Variants in TAF4 observed in about 807,000 individuals in gnomAD.
TAF4 encodes transcription initiation factor TFIID subunit 4.
TAF4 carries 9 observed loss-of-function variants against 90.3 expected under a neutral mutation model. The observed-to-expected ratio is 0.10, with a 90% CI of 0.06 to 0.17. The LOEUF is 0.17. TAF4 is among the 10% of genes least tolerant of loss of function. TAF4 has a pLI of 1.00. For synonymous variants in TAF4, 818 were observed against 638.9 expected, an observed-to-expected ratio of 1.28 and a Z score of -4.23; for missense variants, 1,351 against 1,370.7, an observed-to-expected ratio of 0.99 and a Z score of 0.23.
intron 14 of TAF4, among the ~76,000 whole-genome samples, chr20:61,989,823 G>C (rs891562146): frequency 6.6e-6 from 1 of 152,234 alleles, no homozygotes; most frequent in Non-Finnish European, 1.5e-5. Flanking sequence ...AAACCAACGA[G>C]GAGGGGCGAA....
intron 14 of TAF4, among the ~76,000 whole-genome samples, chr20:61,986,605 G>C (rs2055593999): frequency 2.0e-5 from 3 of 152,386 alleles, no homozygotes; most frequent in Middle Eastern, 6.8e-3. Context: ...AGATGTGCTG[G>C]AACATTCTGT....
chr20:62,061,376 C>A (rs1192871138), intron 1 of TAF4, among the ~76,000 whole-genome samples: 1 of 152,238 alleles, frequency 6.6e-6, no homozygotes, highest in Admixed American at 6.5e-5. Flanking sequence ...CAAGCACACG[C>A]CCCCTAGGCC....
chr20:61,978,991 A>G (rs1199416578), intron 14 of TAF4: 3 of 153,198 alleles, frequency 2.0e-5, no homozygotes, highest in Non-Finnish European at 2.9e-5. Flanking sequence ...TCCCCAGCCC[A>G]CTTCGCCCCA....
At position 62,065,545 on chromosome 20, in the gene TAF4, G is replaced by C. The variant is rs1316649351; in HGVS notation, c.266C>G (p.Pro89Arg). The C allele has an allele frequency of 1.0e-6, 1 of 978,368 alleles. No homozygotes were observed. The highest frequency in any genetic ancestry group is 1.2e-6 in the Non-Finnish European group (1 of 827,076). 60.6% of individuals were successfully genotyped at this position (978,368 alleles called of 1,614,324 possible). A position where few individuals can be genotyped will look rare whatever the true frequency, so the allele number is the denominator to read the frequency against. The part of the protein sequence containing the change: ...AEGAPGAAPE[P>R]PPAGRARPGG... The stretch of plus-strand genomic sequence containing the variant: ...CGGCCGCGCTCTACCTGCGGGGGGC[G>C]GCTCCGGCGCCGCTCCGGGCGCGCC... Residue 89 changes from proline (P) to arginine (R), a missense_variant, in exon 1 of 15, where the codon CCG (proline) becomes CGG (arginine). This residue lies in a region of TAF4 where 782 missense variants were observed against 536.6 expected (regional missense o/e 1.46). Transcript: ENST00000252996.
chr20:61,994,313 G>A (rs2055650306), intron 14 of TAF4, among the ~76,000 whole-genome samples: 1 of 152,192 alleles, frequency 6.6e-6, no homozygotes, highest in African/African-American at 2.4e-5. Context: ...TCCTGCTGGG[G>A]CCCATCCCGG....
intron 13 of TAF4, among the ~76,000 whole-genome samples, 160 bp downstream of exon 13, chr20:61,997,976 A>AT (rs1295028038): frequency 6.6e-6 from 1 of 152,242 alleles, no homozygotes; most frequent in African/African-American, 2.4e-5. Context: ...GCACAGGAAA[A>AT]TACCTCTGAT....
chr20:61,977,488 C>T (rs987496740), intron 14 of TAF4, among the ~76,000 whole-genome samples: 2 of 152,222 alleles, frequency 1.3e-5, no homozygotes, highest in Non-Finnish European at 2.9e-5. Flanking sequence ...GACATGGCCC[C>T]GCCCCTCATG....
intron 1 of TAF4, among the ~76,000 whole-genome samples, chr20:62,047,905 C>T (rs1600860506): frequency 6.6e-6 from 1 of 152,214 alleles, no homozygotes. Flanking sequence ...GATTCCTCGC[C>T]GAGATGTTCA....
chr20:62,014,048 G>A (rs1023091666), intron 2 of TAF4, among the ~76,000 whole-genome samples: 6 of 148,034 alleles, frequency 4.1e-5, no homozygotes, highest in South Asian at 2.1e-4. Context: ...GTGTGTGTAT[G>A]TGTGTGTGTG....
At chr20:61,995,069 CCA>C (rs1568925422) in intron 14 of TAF4, among the ~76,000 whole-genome samples, 1 of 152,168 alleles carries the variant, frequency 6.6e-6, no homozygotes, top group Non-Finnish European at 1.5e-5. Flanking sequence ...AAAAACAAAA[CCA>C]CACAAACTCA....
At chr20:61,996,190 A>C (rs137983186) in intron 14 of TAF4, among the ~76,000 whole-genome samples, 10 of 152,288 alleles carry the variant, frequency 6.6e-5, no homozygotes, top group Non-Finnish European at 1.0e-4. Context: ...CCCATGCTAC[A>C]TGGTGAGACC....
chr20:62,055,592 C>T (rs2056058799), intron 1 of TAF4, among the ~76,000 whole-genome samples: 2 of 152,156 alleles, frequency 1.3e-5, no homozygotes, highest in African/African-American at 2.4e-5. Context: ...TACAGGCAGC[C>T]CTACAATATC....
At chr20:62,028,839 G>A (rs1282711073) in intron 1 of TAF4, among the ~76,000 whole-genome samples, 1 of 152,180 alleles carries the variant, frequency 6.6e-6, no homozygotes, top group Admixed American at 6.5e-5. Context: ...AAAGGCACAG[G>A]CTTGCATCCC....
At chr20:61,986,697 G>A (rs918936400) in intron 14 of TAF4, among the ~76,000 whole-genome samples, 1 of 152,244 alleles carries the variant, frequency 6.6e-6, no homozygotes, top group Non-Finnish European at 1.5e-5. Context: ...GGCCAGAGCC[G>A]GGCTGCTCAA....
At chr20:61,979,396 C>A (rs2055520355) in intron 14 of TAF4, 1 of 152,890 alleles carries the variant, frequency 6.5e-6, no homozygotes, top group Non-Finnish European at 1.5e-5. Context: ...CACCCATGGC[C>A]ACTCTAGAGG....
chr20:62,042,621 G>A (rs1050739264), intron 1 of TAF4, among the ~76,000 whole-genome samples: 4 of 152,182 alleles, frequency 2.6e-5, no homozygotes, highest in Non-Finnish European at 5.9e-5. Context: ...TCCCCTGCAC[G>A]CTCCCCTTCC....
Position 62,065,748 on chromosome 20 carries a change from C to T in TAF4, c.63G>A (p.Val21=), listed in dbSNP as rs756709750. 3 of 1,348,972 alleles carry T rather than the reference C, an allele frequency of 2.2e-6. No individual in the cohort carries two copies. In the South Asian group the frequency reaches 3.9e-5, roughly 17 times the overall value. 83.6% of individuals were successfully genotyped at this position (1,348,972 alleles called of 1,614,324 possible). Residue 21 remains valine, a synonymous_variant, in exon 1 of 15, where the codon GTG becomes GTA. Transcript: ENST00000252996. ...VFFNSEVDEK[V]VSDLVGSLES... is the part of the protein sequence containing the mutation. ...CCAGCGAGCCCACCAGGTCGCTCAC[C>T]ACTTTCTCGTCCACCTCGCTGTTGA...
In TAF4 at chr20:62,010,487, A is replaced by G. The variant is rs183897124; in HGVS notation, c.1642-322T>C. Among the ~76,000 whole-genome samples, 5 of 152,154 alleles carry G rather than the reference A, an allele frequency of 3.3e-5. No individual in the cohort carries two copies. Among genetic ancestry groups the G allele is most frequent in the Admixed American group, 6.5e-5 (1 of 15,284 alleles). ...ATGGAAAAAGTCACATAGAGACCAGAGTAAATAATCCTAACAGGCAACCCA... is the reference window on the plus strand; with the variant it reads ...ATGGAAAAAGTCACATAGAGACCAGGGTAAATAATCCTAACAGGCAACCCA... On this transcript the variant is annotated intron_variant, in intron 3 of 14. Transcript: ENST00000252996. The surrounding 1 kb of genome is among the most constrained non-coding windows in gnomAD (Gnocchi z 4.5).
intron 7 of TAF4, chr20:62,004,543 G>C (rs1306077180): frequency 1.3e-5 from 2 of 151,768 alleles, no homozygotes; most frequent in African/African-American, 4.8e-5. Flanking sequence ...GGCCAGGTTG[G>C]TCTTGAACTC....
Sources: allele counts gnomAD v4.1 joint callset (sites outside exome capture counted in the v4.1 genomes callset), GRCh38; gene constraint gnomAD v4.1.1; regional missense constraint gnomAD v4.1.1; non-coding constraint Gnocchi (gnomAD v3.1); transcripts MANE v1.5; gene names NCBI Gene and HGNC (gene_info 2026-07-23, HGNC 2026-07-21).